Variants in SPIDR observed in about 807,000 individuals in gnomAD.
SPIDR encodes the protein scaffold protein involved in DNA repair.
A neutral mutation model predicts 104.6 loss-of-function variants in SPIDR; 93 were observed. The observed-to-expected ratio is 0.89, with a 90% CI of 0.75 to 1.06. The LOEUF (loss-of-function observed/expected upper bound fraction) is 1.06, where lower values mean the gene tolerates loss of function less well. Among genes scored for constraint, SPIDR ranks in the 50% least tolerant of loss-of-function variants. SPIDR has a pLI of 0.00. For synonymous variants in SPIDR, 431 were observed against 416.9 expected (o/e 1.03, Z -0.41); for missense variants, 1,154 against 1,111.2 (o/e 1.04, Z -0.55).
chr8:47,553,995 T>C (rs1375006649), intron 8 of SPIDR, among the ~76,000 whole-genome samples: 6 of 152,204 alleles, frequency 3.9e-5, no homozygotes, highest in Non-Finnish European at 7.3e-5. Context: ...TGCAGGTCTG[T>C]TGGAGTTTGC....
intron 14 of SPIDR, among the ~76,000 whole-genome samples, chr8:47,705,318 G>A (rs2080924276): frequency 6.6e-6 from 1 of 152,180 alleles, no homozygotes; most frequent in South Asian, 2.1e-4. Flanking sequence ...CTTTCAGTGA[G>A]CATGGCTTCC....
intron 8 of SPIDR, among the ~76,000 whole-genome samples, chr8:47,583,823 A>T (rs2059990234): frequency 6.6e-6 from 1 of 152,168 alleles, no homozygotes; most frequent in African/African-American, 2.4e-5. Context: ...CACCCACAGC[A>T]CACTTTGTCC....
intron 5 of SPIDR, among the ~76,000 whole-genome samples, chr8:47,314,727 G>C (rs587735952): frequency 1.3e-5 from 2 of 152,294 alleles, no homozygotes; most frequent in East Asian, 1.9e-4. Flanking sequence ...TTTGGGTGGA[G>C]ACACAGCCAA....
rs537830318 is a variant in SPIDR at position 47,608,834 on chromosome 8, C to G, written c.1544+9638C>G. 2.0e-5 allele frequency among the ~76,000 whole-genome samples: 3 copies of G among 152,360 alleles called. No individual in the cohort carries two copies. The South Asian group carries it at 6.2e-4, about 32-fold the overall frequency. ...GGCCTCCTGGTTCCAGGCGATTCTT[C>G]TGCCTCAGCCTCCCGAGTAGCTGGG... On this transcript the variant is annotated intron_variant, in intron 10 of 19. Transcript: ENST00000297423.
chr8:47,264,394 G>C (rs1554545001), intron 1 of SPIDR, among the ~76,000 whole-genome samples: 2 of 152,110 alleles, frequency 1.3e-5, no homozygotes, highest in Non-Finnish European at 2.9e-5. Flanking sequence ...CACATATATA[G>C]ATATGTGGTA....
At chr8:47,484,788 A>G (rs993457822) in intron 8 of SPIDR, among the ~76,000 whole-genome samples, 1 of 152,202 alleles carries the variant, frequency 6.6e-6, no homozygotes, top group African/African-American at 2.4e-5. Context: ...TCAATGTCAC[A>G]TTTCCTGAAT....
chr8:47,582,806 C>T (rs905511040), intron 8 of SPIDR, among the ~76,000 whole-genome samples: 15 of 147,530 alleles, frequency 1.0e-4, no homozygotes, highest in African/African-American at 3.5e-4. Context: ...AGCAAGACTC[C>T]ATTAAACAAC....
intron 8 of SPIDR, among the ~76,000 whole-genome samples, chr8:47,533,284 A>AT (rs1299042714): frequency 1.3e-5 from 2 of 152,202 alleles, no homozygotes; most frequent in Non-Finnish European, 2.9e-5. Flanking sequence ...CTCAAAGTGG[A>AT]TTAAAGAATT....
chr8:47,617,042 T>TA (rs1386215841), intron 10 of SPIDR, among the ~76,000 whole-genome samples: 2 of 152,140 alleles, frequency 1.3e-5, no homozygotes, highest in African/African-American at 2.4e-5. Context: ...GTGTTTTTTT[T>TA]ATATATATTT....
At chr8:47,402,723 C>CA (rs144707312) in intron 6 of SPIDR, among the ~76,000 whole-genome samples, 116,088 of 151,600 alleles carry the variant, frequency 0.77, 44,621 homozygotes, top group Admixed American at 0.84. Flanking sequence ...AGCCTACCAA[C>CA]AAAAAAAAGT....
chr8:47,277,156 G>T (rs372943863), intron 1 of SPIDR: 10 of 152,208 alleles, frequency 6.6e-5, no homozygotes, highest in Admixed American at 6.5e-4. Context: ...TCGAACTCCC[G>T]ATCTCAGGTG....
At chr8:47,272,718 A>G (rs2035586651) in intron 1 of SPIDR, among the ~76,000 whole-genome samples, 1 of 152,126 alleles carries the variant, frequency 6.6e-6, no homozygotes, top group Admixed American at 6.5e-5. Context: ...TAGTTCAGCT[A>G]AAATCTGGGT....
At chr8:47,454,508 A>T (rs1326072968) in intron 8 of SPIDR, among the ~76,000 whole-genome samples, 1 of 152,070 alleles carries the variant, frequency 6.6e-6, no homozygotes, top group East Asian at 1.9e-4. Context: ...CGGGGAAGGG[A>T]TAGGATTAGG....
At chr8:47,321,627 G>A (rs1398773501) in intron 5 of SPIDR, among the ~76,000 whole-genome samples, 1 of 152,112 alleles carries the variant, frequency 6.6e-6, no homozygotes, top group Non-Finnish European at 1.5e-5. Context: ...AAAAGAGCCG[G>A]TATTGCCAAG....
chr8:47,486,949 G>A (rs181903291), intron 8 of SPIDR, among the ~76,000 whole-genome samples: 4 of 152,254 alleles, frequency 2.6e-5, no homozygotes, highest in African/African-American at 9.6e-5. Flanking sequence ...TAACTAACGA[G>A]CAAAATAACC....
chr8:47,599,072 G>C lies in SPIDR; in HGVS notation c.1420G>C (p.Ala474Pro). 6.2e-7 allele frequency: 1 copy of C among 1,612,866 alleles called. No homozygotes were observed. Among genetic ancestry groups the C allele is most frequent in the Non-Finnish European group, 8.5e-7 (1 of 1,179,444 alleles). ...CCTGGATGTGGTGGAAAGCCAGGGA[G>C]CTGCCTCGTGGCCAGGAGCTGGAGT... ...SLLDVVESQGAASWPGAGVRV... is the reference protein window; with the variant it reads ...SLLDVVESQGPASWPGAGVRV... Residue 474 changes from alanine to proline, a missense_variant, in exon 10 of 20, where the codon GCT (alanine) becomes CCT (proline). Physicochemically the swap from Ala to Pro is conservative, Grantham distance 27 (BLOSUM62 -1). Transcript: ENST00000297423.
At chr8:47,723,117 C>G (rs933115204) in intron 16 of SPIDR, among the ~76,000 whole-genome samples, 1 of 152,164 alleles carries the variant, frequency 6.6e-6, no homozygotes, top group Non-Finnish European at 1.5e-5. Context: ...ATCCCCCGGC[C>G]TTGGCCTTCC....
chr8:47,581,431 G>A (rs188623292), intron 8 of SPIDR, among the ~76,000 whole-genome samples: 2 of 152,090 alleles, frequency 1.3e-5, no homozygotes, highest in African/African-American at 2.4e-5. Flanking sequence ...GTTATAAGTG[G>A]GGTCATGTTT....
At chr8:47,356,590 TA>T in intron 5 of SPIDR, among the ~76,000 whole-genome samples, 1 of 152,338 alleles carries the variant, frequency 6.6e-6, no homozygotes, top group East Asian at 1.9e-4. Context: ...ATACGATAGT[TA>T]AATTTTAAGT....
Sources: allele counts gnomAD v4.1 joint callset (sites outside exome capture counted in the v4.1 genomes callset), GRCh38; gene constraint gnomAD v4.1.1; transcripts MANE v1.5; gene names NCBI Gene and HGNC (gene_info 2026-07-23, HGNC 2026-07-21).